The following IFT81 variants were observed in gnomAD, a reference collection of about 807,000 sequenced individuals.
IFT81 encodes intraflagellar transport protein 81 homolog.
A neutral mutation model predicts 102.6 loss-of-function variants in IFT81; 72 were observed. The observed-to-expected ratio is 0.70, with a 90% CI of 0.58 to 0.85. The LOEUF is 0.85. Among genes scored for constraint, IFT81 ranks in the 40% least tolerant of loss-of-function variants. The probability of loss-of-function intolerance (pLI) is 0.00; values close to 1 mark genes in which losing one functional copy is unlikely to be tolerated. For missense variants in IFT81, 723 were observed against 787.3 expected (o/e 0.92, Z 0.98); for synonymous variants, 237 against 242.7 (o/e 0.98, Z 0.22).
intron 8 of IFT81, among the ~76,000 whole-genome samples, chr12:110,139,920 G>C (rs1366047003): frequency 7.9e-6 from 1 of 127,260 alleles, no homozygotes; most frequent in Non-Finnish European, 1.7e-5. Context: ...TAAAAAATTA[G>C]CTGGGCATGG....
chr12:110,218,209 G>C lies in IFT81; in HGVS notation c.2014G>C (p.Asp672His). 2 of 1,560,074 alleles carry C rather than the reference G, an allele frequency of 1.3e-6. No individual in the cohort carries two copies. Among genetic ancestry groups the C allele is most frequent in the Non-Finnish European group, 1.7e-6 (2 of 1,160,098 alleles). Residue 672 changes from aspartate (D) to histidine (H), a missense_variant, in exon 19 of 19, where the codon GAC becomes CAC. Transcript: ENST00000242591. ...IGQVIQEGGEDRLIL is the reference protein window; with the variant it reads ...IGQVIQEGGEHRLIL ...TCAGGTAATTCAGGAGGGTGGGGAGGACCGGCTAATACTGTGAATTCTTGT... is the reference window on the plus strand; with the variant it reads ...TCAGGTAATTCAGGAGGGTGGGGAGCACCGGCTAATACTGTGAATTCTTGT...
chr12:110,136,938 G>A (rs962547332), intron 8 of IFT81, 78 bp downstream of exon 8: 19 of 858,426 alleles, frequency 2.2e-5, no homozygotes, highest in Admixed American at 4.8e-5. Flanking sequence ...AAATCAATTT[G>A]TGAGAATTAG....
chr12:110,201,417 AG>A (rs1354107993), intron 14 of IFT81, among the ~76,000 whole-genome samples: 1 of 149,912 alleles, frequency 6.7e-6, no homozygotes, highest in Non-Finnish European at 1.5e-5. Context: ...AAAAAAAAAA[AG>A]GTGAAAAATT....
At chr12:110,126,183 G>A (rs1006114356) in intron 1 of IFT81, among the ~76,000 whole-genome samples, 1 of 151,758 alleles carries the variant, frequency 6.6e-6, no homozygotes, top group African/African-American at 2.4e-5. Context: ...GAGGCTGAGG[G>A]AGGAGAATGG....
At chr12:110,187,988 T>C (rs1201455374) in intron 12 of IFT81, among the ~76,000 whole-genome samples, 1 of 152,166 alleles carries the variant, frequency 6.6e-6, no homozygotes, top group Non-Finnish European at 1.5e-5. Flanking sequence ...TTCCTACCTT[T>C]ATCTCCCTAG....
At chr12:110,138,796 TTGATTATAGTAGGATCAGTGAGA>T (rs1470985190) in intron 8 of IFT81, among the ~76,000 whole-genome samples, 12 of 152,230 alleles carry the variant, frequency 7.9e-5, no homozygotes, top group African/African-American at 2.4e-4. Context: ...AGACACTCAT[TTGATTATAGTAGGATCAGTGAGA>T]TGTTTTCAAA....
chr12:110,200,003 A>T (rs183042054), intron 14 of IFT81, among the ~76,000 whole-genome samples: 3 of 152,196 alleles, frequency 2.0e-5, no homozygotes, highest in African/African-American at 7.2e-5. Context: ...CATTAAAATC[A>T]CTGTGTTACC....
chr12:110,208,263 G>T (rs1868943002), intron 17 of IFT81, among the ~76,000 whole-genome samples: 1 of 152,144 alleles, frequency 6.6e-6, no homozygotes, highest in Admixed American at 6.5e-5. Context: ...TAGCATTTGG[G>T]AAGCTGAGAT....
chr12:110,144,403 G>A (rs1348667774), intron 9 of IFT81, among the ~76,000 whole-genome samples: 2 of 151,714 alleles, frequency 1.3e-5, no homozygotes, highest in Non-Finnish European at 2.9e-5. Context: ...TTGTAGTAGA[G>A]ACAGGGTTTC....
chr12:110,158,678 C>G (rs575701516), intron 10 of IFT81, among the ~76,000 whole-genome samples: 12 of 152,304 alleles, frequency 7.9e-5, no homozygotes, highest in Admixed American at 7.2e-4. Context: ...CAAGCTCCCC[C>G]TCCCAGGTTC....
chr12:110,136,618 T>C lies in IFT81; in HGVS notation c.697-158T>C, dbSNP rs144522377. ...TGTGAAAAGGTATTGAGAGAACCAG[T>C]TACATTTTGGGTTTAATATGGGAAT... is the stretch of plus-strand genomic sequence containing the variant. On this transcript the variant is annotated intron_variant, in intron 7 of 18. Transcript: ENST00000242591. 3.0e-4 allele frequency among the ~76,000 whole-genome samples: 46 copies of C among 152,322 alleles called. No homozygotes were observed. In the East Asian group the frequency reaches 8.3e-3, roughly 27 times the overall value.
intron 14 of IFT81, among the ~76,000 whole-genome samples, chr12:110,202,727 C>T (rs1593369676): frequency 6.6e-6 from 1 of 151,940 alleles, no homozygotes; most frequent in South Asian, 2.1e-4. Context: ...GCTTCAATTA[C>T]AGGCGTGAGC....
intron 14 of IFT81, among the ~76,000 whole-genome samples, chr12:110,200,962 A>G (rs1012227280): frequency 1.3e-5 from 2 of 152,098 alleles, no homozygotes; most frequent in African/African-American, 4.8e-5. Context: ...AAAAAATTAA[A>G]AAAAACTTTT....
At chr12:110,167,408 G>A (rs1044338604) in intron 11 of IFT81, among the ~76,000 whole-genome samples, 5 of 152,074 alleles carry the variant, frequency 3.3e-5, no homozygotes, top group African/African-American at 4.8e-5. Context: ...TACCCATCCA[G>A]TCAATCTTGA....
At chr12:110,131,772 A>G (rs1420361866) in intron 4 of IFT81, among the ~76,000 whole-genome samples, 1 of 152,176 alleles carries the variant, frequency 6.6e-6, no homozygotes, top group Non-Finnish European at 1.5e-5. Context: ...ATGGAGGGAG[A>G]CAGACAGAAA....
At chr12:110,137,586 AT>A (rs1444691944) in intron 8 of IFT81, among the ~76,000 whole-genome samples, 3 of 151,906 alleles carry the variant, frequency 2.0e-5, no homozygotes, top group African/African-American at 7.3e-5. Flanking sequence ...GTACAAAAAA[AT>A]TAGCTGGGCA....
chr12:110,199,708 C>T, intron 14 of IFT81, among the ~76,000 whole-genome samples: 1 of 152,088 alleles, frequency 6.6e-6, no homozygotes, highest in East Asian at 1.9e-4. Flanking sequence ...AGCTACATCC[C>T]CTTTCTTCCA....
intron 10 of IFT81, among the ~76,000 whole-genome samples, chr12:110,152,543 A>T (rs1251818315): frequency 6.6e-6 from 1 of 150,560 alleles, no homozygotes; most frequent in Non-Finnish European, 1.5e-5. Flanking sequence ...TTGGATGTTA[A>T]CCCCATTTTT....
Position 110,124,825 on chromosome 12 carries a change from T to G in IFT81, c.-58T>G, listed in dbSNP as rs1305682912. On this transcript the variant is annotated 5_prime_UTR_variant, in exon 1 of 19. Coordinates refer to ENST00000242591, the MANE Select transcript of IFT81 (RefSeq NM_014055.4). The stretch of plus-strand genomic sequence containing the variant: ...GTGCCAGAGAACACGCACGTCCTGG[T>G]TTTCATTGTTCCCCGCCTCCTGCGA... The G allele has an allele frequency of 6.6e-6, 1 of 152,196 alleles. No individual in the cohort carries two copies. The highest frequency in any genetic ancestry group is 2.4e-5 in the African/African-American group (1 of 41,452). 9.4% of individuals were successfully genotyped at this position (152,196 alleles called of 1,614,324 possible). A position where few individuals can be genotyped will look rare whatever the true frequency, so the allele number is the denominator to read the frequency against.
Sources: gnomAD v4.1 joint callset for allele counts (sites outside exome capture counted in the v4.1 genomes callset) on GRCh38, gnomAD v4.1.1 for gene constraint, MANE v1.5 for transcripts, NCBI Gene and HGNC (gene_info 2026-07-23, HGNC 2026-07-21) for gene names.